Variants in SLC5A12 observed in about 807,000 individuals in gnomAD.
SLC5A12 encodes solute carrier family 5 member 12.
A neutral mutation model predicts 72.7 loss-of-function variants in SLC5A12; 46 were observed. That is an observed-to-expected ratio of 0.63 (90% confidence interval 0.50 to 0.81). The LOEUF (loss-of-function observed/expected upper bound fraction) is 0.81, where lower values mean the gene tolerates loss of function less well. SLC5A12 is among the 30% of genes least tolerant of loss of function. The pLI is 0.00. For missense variants in SLC5A12, 683 were observed against 740.7 expected (o/e 0.92, Z 0.90); for synonymous variants, 275 against 264.4 (o/e 1.04, Z -0.39).
At chr11:26,715,308 G>C (rs971531472) in intron 1 of SLC5A12, among the ~76,000 whole-genome samples, 1 of 145,658 alleles carries the variant, frequency 6.9e-6, no homozygotes, top group African/African-American at 2.5e-5. Flanking sequence ...AGAGTGTTCT[G>C]AGCCTTTGCA....
intron 1 of SLC5A12, among the ~76,000 whole-genome samples, chr11:26,714,061 C>G (rs776969966): frequency 6.6e-6 from 1 of 151,684 alleles, no homozygotes; most frequent in Non-Finnish European, 1.5e-5. Flanking sequence ...AATTTTCTCA[C>G]CTCAAAATCC....
At chr11:26,710,435 A>C (rs1159588532) in intron 3 of SLC5A12, among the ~76,000 whole-genome samples, 1 of 152,064 alleles carries the variant, frequency 6.6e-6, no homozygotes, top group Non-Finnish European at 1.5e-5. Flanking sequence ...GTCTTCCATA[A>C]TGGTTGAACT....
In SLC5A12 at chr11:26,669,180, TTTC is replaced by T. The variant is rs1387306251; in HGVS notation, c.*1919_*1921del. ...CTCTTCCTGTCTTTTTCTTTCTTTC[TTTC>T]TTCTTTTCTTTCTTTCTTTCTTTCT... On this transcript the variant is annotated 3_prime_UTR_variant, in exon 15 of 15. Transcript: ENST00000396005. The T allele has an allele frequency of 4.3e-5, 5 of 116,072 alleles. No individual in the cohort carries two copies. Among genetic ancestry groups the T allele is most frequent in the African/African-American group, 1.4e-4 (5 of 36,054 alleles). 7.2% of individuals were successfully genotyped at this position (116,072 alleles called of 1,614,324 possible). A position where few individuals can be genotyped will look rare whatever the true frequency, so the allele number is the denominator to read the frequency against.
Position 26,673,412 on chromosome 11 carries a change from C to A in SLC5A12, c.1697G>T (p.Gly566Val). 6.3e-7 allele frequency: 1 copy of A among 1,597,720 alleles called. No individual in the cohort carries two copies. The highest frequency in any genetic ancestry group is 8.5e-7 in the Non-Finnish European group (1 of 1,172,578). The change falls in exon 14 of 15, where the codon GGG becomes GTG. Residue 566 changes from glycine to valine, a missense_variant. Transcript: ENST00000396005. ...CAAACATCAGCTCACCTGCTCTGTCCCACTGTCATGCTGAACTCCACACCA... is the reference window on the plus strand; with the variant it reads ...CAAACATCAGCTCACCTGCTCTGTCACACTGTCATGCTGAACTCCACACCA... ...LCWCGVQHDS[G>V]TEQENLENGS... is the part of the protein sequence containing the mutation.
At chr11:26,679,344 AG>A (rs1854337313) in intron 12 of SLC5A12, among the ~76,000 whole-genome samples, 1 of 152,128 alleles carries the variant, frequency 6.6e-6, no homozygotes, top group Non-Finnish European at 1.5e-5. Flanking sequence ...TCAAGCAAAG[AG>A]GGTAGTCAGG....
At chr11:26,721,278 A>T in intron 1 of SLC5A12, 98 bp downstream of exon 1, 1 of 902,390 alleles carries the variant, frequency 1.1e-6, no homozygotes, top group Non-Finnish European at 1.7e-6. Flanking sequence ...CATAATGTGT[A>T]ATTATCCTGA....
In SLC5A12 at chr11:26,703,827, G is replaced by T; in HGVS notation, c.646C>A (p.Gln216Lys). ...TGTAGTCGAGATCCATTTGTTGATT[G>T]CTCTAATACATTGTGGAATCCCCCA... is the stretch of plus-strand genomic sequence containing the variant. ...HAGGFHNVLE[Q>K]STNGSRLHIF... Residue 216 changes from glutamine to lysine, a missense_variant, in exon 5 of 15, where the codon CAA becomes AAA. Gln to Lys is a moderately conservative substitution (Grantham distance 53). Transcript: ENST00000396005. 1.2e-6 allele frequency: 2 copies of T among 1,613,882 alleles called. No homozygotes were observed. Among genetic ancestry groups the T allele is most frequent in the Non-Finnish European group, 1.7e-6 (2 of 1,179,844 alleles).
At position 26,721,863 on chromosome 11, in the gene SLC5A12, A is replaced by C; in HGVS notation, c.-149T>G. 1.4e-6 allele frequency: 1 copy of C among 702,480 alleles called. No homozygotes were observed. Among genetic ancestry groups the C allele is most frequent in the Non-Finnish European group, 2.4e-6 (1 of 409,256 alleles). 43.5% of individuals were successfully genotyped at this position (702,480 alleles called of 1,614,324 possible). A position where few individuals can be genotyped will look rare whatever the true frequency, so the allele number is the denominator to read the frequency against. On this transcript the variant is annotated 5_prime_UTR_variant, in exon 1 of 15. Transcript: ENST00000396005. Reference sequence around the variant, plus strand: ...ATGATTACCAGAGGCACTCGTGTGAATCTTCAGACACCAACGTGTACTTAG... The same window carrying C: ...ATGATTACCAGAGGCACTCGTGTGACTCTTCAGACACCAACGTGTACTTAG...
At chr11:26,683,422 T>C (rs534201886) in intron 11 of SLC5A12, among the ~76,000 whole-genome samples, 1 of 152,284 alleles carries the variant, frequency 6.6e-6, no homozygotes, top group South Asian at 2.1e-4. Flanking sequence ...ATTTTCAAAA[T>C]TGTGTTTCAA....
Position 26,673,352 on chromosome 11 carries a change from G to A in SLC5A12, c.1707+50C>T. On this transcript the variant is annotated intron_variant, in intron 14 of 14. Transcript: ENST00000396005. Reference sequence around the variant, plus strand: ...AGCCGGTTTAAATGGGCAAAACCAGGAATCCCTTTGAGTCCATACACATTT... The same window carrying A: ...AGCCGGTTTAAATGGGCAAAACCAGAAATCCCTTTGAGTCCATACACATTT... 2.1e-6 allele frequency: 3 copies of A among 1,429,702 alleles called. No homozygotes were observed. In the East Asian group the frequency reaches 7.8e-5, roughly 37 times the overall value. 88.6% of individuals were successfully genotyped at this position (1,429,702 alleles called of 1,614,324 possible).
intron 7 of SLC5A12, among the ~76,000 whole-genome samples, 163 bp downstream of exon 7, chr11:26,698,243 G>C (rs75406732): frequency 5.7e-4 from 86 of 152,104 alleles, no homozygotes; most frequent in African/African-American, 2.0e-3. Context: ...ATTAGAACCT[G>C]GTAGGTGCTG....
Position 26,692,535 on chromosome 11 carries a change from A to C in SLC5A12, c.1107T>G (p.Phe369Leu). 1 of 1,614,094 alleles carries C rather than the reference A, an allele frequency of 6.2e-7. No homozygotes were observed. ...TGCTCAGCTTGTCGGAGAGATGAGG[A>C]AAACAGCTCTTGACAAAATCCTCAA... ...VTFEDFVKSC[F>L]PHLSDKLSTW... Residue 369 changes from phenylalanine (F) to leucine (L), a missense_variant, in exon 9 of 15, where the codon TTT becomes TTG. Transcript: ENST00000396005.
At chr11:26,694,071 G>T (rs12270727) in intron 8 of SLC5A12, among the ~76,000 whole-genome samples, 19,125 of 152,136 alleles carry the variant, frequency 0.13, 2,029 homozygotes, top group African/African-American at 0.28. Context: ...AGTTGAATTT[G>T]GCCCAGAAGG....
At chr11:26,708,722 T>G (rs965800979) in intron 4 of SLC5A12, among the ~76,000 whole-genome samples, 1 of 152,056 alleles carries the variant, frequency 6.6e-6, no homozygotes, top group Non-Finnish European at 1.5e-5. Context: ...AATGTTTAAC[T>G]AAACTATATA....
chr11:26,682,076 G>C (rs1027510782), intron 11 of SLC5A12, among the ~76,000 whole-genome samples: 2 of 151,826 alleles, frequency 1.3e-5, no homozygotes, highest in African/African-American at 4.8e-5. Context: ...TTTAGGCTTT[G>C]TAAGCCATGC....
rs138272204 is a variant in SLC5A12, at chr11:26,693,314, G to A, written c.1041-713C>T. Among the ~76,000 whole-genome samples the A allele has an allele frequency of 3.3e-5, 5 of 152,286 alleles. No homozygotes were observed. The East Asian group carries it at 9.7e-4, about 29-fold the overall frequency. On this transcript the variant is annotated intron_variant, in intron 8 of 14. Transcript: ENST00000396005. ...ACGTATAGATGTCTCAACATAAAAA[G>A]GAGCTGTTACATTCAACAACCTAAA...
intron 6 of SLC5A12, among the ~76,000 whole-genome samples, chr11:26,699,095 A>AT (rs1854897621): frequency 6.6e-6 from 1 of 152,144 alleles, no homozygotes; most frequent in Non-Finnish European, 1.5e-5. Flanking sequence ...GGTGCAATTC[A>AT]TTTTATTTTA....
rs936303056 is a variant in SLC5A12, at chr11:26,712,365, T to C, written c.405+276A>G. 1.3e-4 allele frequency among the ~76,000 whole-genome samples: 20 copies of C among 152,022 alleles called. 2 individuals carry two copies. Among genetic ancestry groups the C allele is most frequent in the Admixed American group, 1.2e-3 (18 of 15,222 alleles). On this transcript the variant is annotated intron_variant, in intron 2 of 14. Coordinates refer to ENST00000396005, the MANE Select transcript of SLC5A12 (RefSeq NM_178498.4). Reference sequence around the variant, plus strand: ...AGTTATCAGACCATTTCATATCTAATCTAGAGCAACTTATGCAGGTTAAAC... The same window carrying C: ...AGTTATCAGACCATTTCATATCTAACCTAGAGCAACTTATGCAGGTTAAAC...
intron 14 of SLC5A12, 122 bp from the exon 15 acceptor site, chr11:26,671,373 A>G: frequency 1.4e-6 from 1 of 712,954 alleles, no homozygotes; most frequent in Non-Finnish European, 2.2e-6. Context: ...AGAAGCATAA[A>G]CAACTCTGAC....
Sources: gnomAD v4.1 joint callset for allele counts (sites outside exome capture counted in the v4.1 genomes callset) on GRCh38, gnomAD v4.1.1 for gene constraint, MANE v1.5 for transcripts, NCBI Gene and HGNC (gene_info 2026-07-23, HGNC 2026-07-21) for gene names.